Variants in DHX36 observed in about 807,000 individuals in gnomAD.
DHX36 encodes DEAH-box helicase 36, also known as ATP-dependent DNA/RNA helicase DHX36.
In DHX36, 50 loss-of-function variants were observed where a neutral mutation model predicts 139.0. That is an observed-to-expected ratio of 0.36 (90% CI 0.29 to 0.46). The LOEUF (loss-of-function observed/expected upper bound fraction) is 0.46. Ranked by LOEUF, DHX36 falls within the 20% of genes least tolerant of loss-of-function variation. The probability of loss-of-function intolerance (pLI) is 1.00; values close to 1 mark genes in which losing one functional copy is unlikely to be tolerated. For synonymous variants in DHX36, 425 were observed against 401.9 expected (o/e 1.06, Z -0.69); for missense variants, 1,024 against 1,211.3 (o/e 0.85, Z 2.29).
chr3:154,293,164 A>G (rs1249190145), intron 14 of DHX36, among the ~76,000 whole-genome samples: 2 of 152,172 alleles, frequency 1.3e-5, no homozygotes, highest in Non-Finnish European at 2.9e-5. Context: ...ACCCCCAACC[A>G]GAAACAGGCG....
Position 154,300,672 on chromosome 3 carries a change from A to T in DHX36, c.1383T>A (p.Val461=). 6.2e-7 allele frequency: 1 copy of T among 1,613,502 alleles called. No homozygotes were observed. Among genetic ancestry groups the T allele is most frequent in the Non-Finnish European group, 8.5e-7 (1 of 1,179,524 alleles). The change falls in exon 11 of 25, where the codon GTT becomes GTA. Residue 461 remains valine, a synonymous_variant. Transcript: ENST00000496811. ...RRRYSASTVD[V]IEMMEDDKVD... ...CTTTATCATCCTCCATCATTTCTATAACATCTACAGTACTTGCAGAATACC... is the reference window on the plus strand; with the variant it reads ...CTTTATCATCCTCCATCATTTCTATTACATCTACAGTACTTGCAGAATACC...
At chr3:154,305,311 C>A in intron 6 of DHX36, 143 bp from the exon 7 acceptor site, 1 of 646,856 alleles carries the variant, frequency 1.5e-6, no homozygotes, top group Non-Finnish European at 2.6e-6. Context: ...ATAAGAACAC[C>A]TACCACAATG....
At chr3:154,291,006 G>A (rs1465919453) in intron 15 of DHX36, among the ~76,000 whole-genome samples, 1 of 149,580 alleles carries the variant, frequency 6.7e-6, no homozygotes, top group Non-Finnish European at 1.5e-5. Flanking sequence ...GTAGTGGCGG[G>A]CGCCTGTAGT....
At position 154,273,691 on chromosome 3, in the gene DHX36, T is replaced by A. The variant is rs552835991; in HGVS notation, c.*2480A>T. Reference sequence around the variant, plus strand: ...GATAAAGGATTTGAGACATAACAGGTAACACACATTCCCAGGATTGGGAGC... The same window carrying A: ...GATAAAGGATTTGAGACATAACAGGAAACACACATTCCCAGGATTGGGAGC... On this transcript the variant is annotated 3_prime_UTR_variant, in exon 25 of 25. Transcript: ENST00000496811. 1 of 152,342 alleles carries A rather than the reference T, an allele frequency of 6.6e-6. No homozygotes were observed. Among genetic ancestry groups the A allele is most frequent in the South Asian group, 2.1e-4 (1 of 4,820 alleles). 9.4% of individuals were successfully genotyped at this position (152,342 alleles called of 1,614,324 possible).
At chr3:154,300,900 C>G in intron 10 of DHX36, 87 bp downstream of exon 10, 2 of 1,536,152 alleles carry the variant, frequency 1.3e-6, no homozygotes, top group East Asian at 4.5e-5. Flanking sequence ...CCTTTAAGTA[C>G]GTACAGATTC....
intron 1 of DHX36, among the ~76,000 whole-genome samples, chr3:154,322,970 A>G (rs111729772): frequency 2.6e-5 from 4 of 152,338 alleles, no homozygotes; most frequent in African/African-American, 4.8e-5. Flanking sequence ...AGATAAATGG[A>G]TAAGGCCCCC....
Position 154,288,922 on chromosome 3 carries a change from T to C in DHX36, c.1975A>G (p.Met659Val). Residue 659 changes from methionine to valine, a missense_variant, in exon 17 of 25, where the codon ATG becomes GTG. Met to Val is a conservative substitution (Grantham distance 21). Around this residue, in one of 4 missense-constraint regions of DHX36, gnomAD observed 470 missense variants for 616.2 expected, o/e 0.76. Coordinates refer to ENST00000496811, the MANE Select transcript of DHX36 (RefSeq NM_020865.3). ...ACTGCCTCATTTGATGGTGGGTCCA[T>C]TAATCTACTCAGAAAATAAGCAATT... Reference protein sequence around the residue: ...GGIAYFLSRLMDPPSNEAVLL... With the variant: ...GGIAYFLSRLVDPPSNEAVLL... 1 of 1,591,120 alleles carries C rather than the reference T, an allele frequency of 6.3e-7. No individual in the cohort carries two copies. Among genetic ancestry groups the C allele is most frequent in the South Asian group, 1.2e-5 (1 of 85,944 alleles).
rs371002609 is a variant in DHX36 at position 154,280,673 on chromosome 3, T to C, written c.2477-4A>G. On this transcript the variant is annotated splice_region_variant and splice_polypyrimidine_tract_variant and intron_variant, in intron 21 of 24. Transcript: ENST00000496811. Reference sequence around the variant, plus strand: ...GCTTTAATTATCTTCTCATTATCTATGGGGGGTGAGAAGGTAGAGGGGAAA... The same window carrying C: ...GCTTTAATTATCTTCTCATTATCTACGGGGGGTGAGAAGGTAGAGGGGAAA... 28 of 1,611,868 alleles carry C rather than the reference T, an allele frequency of 1.7e-5. No homozygotes were observed. Among genetic ancestry groups the C allele is most frequent in the Middle Eastern group, 1.7e-4 (1 of 6,056 alleles).
chr3:154,280,525 T>C, intron 22 of DHX36, 54 bp downstream of exon 22: 1 of 1,309,564 alleles, frequency 7.6e-7, no homozygotes, highest in South Asian at 1.3e-5. Context: ...TGAGCAGATT[T>C]CAAAAGTTTA....
rs751985081 is a variant in DHX36, at chr3:154,324,167, A to G, written c.243+7T>C. On this transcript the variant is annotated splice_region_variant and intron_variant, in intron 1 of 24. Transcript: ENST00000496811. ...CTCATCCTCTCCACTACTGAATCCGAGATTACCTCTTGCCTCTCCGCTTCC... is the reference window on the plus strand; with the variant it reads ...CTCATCCTCTCCACTACTGAATCCGGGATTACCTCTTGCCTCTCCGCTTCC... 2.3e-5 allele frequency: 37 copies of G among 1,606,828 alleles called. No homozygotes were observed. In the Admixed American group the frequency reaches 4.2e-4, roughly 18 times the overall value.
chr3:154,319,793 T>G (rs1423263329), intron 1 of DHX36, among the ~76,000 whole-genome samples: 4 of 152,192 alleles, frequency 2.6e-5, no homozygotes, highest in African/African-American at 9.7e-5. Flanking sequence ...TTGGCCCACT[T>G]TGATTTGCCC....
intron 15 of DHX36, among the ~76,000 whole-genome samples, chr3:154,290,527 G>T (rs1711748734): frequency 6.6e-6 from 1 of 150,958 alleles, no homozygotes; most frequent in South Asian, 2.1e-4. Flanking sequence ...TGTAGTCCCA[G>T]TGGGAGGCTG....
At position 154,324,454 on chromosome 3, in the gene DHX36, G is replaced by A. The variant is rs1345151076; in HGVS notation, c.-38C>T. 6.9e-6 allele frequency: 10 copies of A among 1,445,300 alleles called. No individual in the cohort carries two copies. Among genetic ancestry groups the A allele is most frequent in the Admixed American group, 2.7e-5 (1 of 37,228 alleles). 89.5% of individuals were successfully genotyped at this position (1,445,300 alleles called of 1,614,324 possible). A position where few individuals can be genotyped will look rare whatever the true frequency, so the allele number is the denominator to read the frequency against. ...CTACAACCCGTCAGAACCAGCAACC[G>A]CTGGAAATGGCGTCCGGGCCCGGAA... On this transcript the variant is annotated 5_prime_UTR_variant, in exon 1 of 25. Transcript: ENST00000496811.
At chr3:154,290,304 C>G (rs953996897) in intron 15 of DHX36, among the ~76,000 whole-genome samples, 2 of 152,056 alleles carry the variant, frequency 1.3e-5, no homozygotes, top group African/African-American at 2.4e-5. Flanking sequence ...ATGTATGTAA[C>G]TAGAGCCATG....
intron 1 of DHX36, among the ~76,000 whole-genome samples, chr3:154,322,616 C>T (rs763063161): frequency 5.9e-5 from 9 of 152,190 alleles, no homozygotes; most frequent in Admixed American, 2.0e-4. Context: ...AGGATGGGAA[C>T]GCAAGTAGAA....
intron 3 of DHX36, chr3:154,312,369 AT>A (rs1486603463): frequency 3.9e-5 from 6 of 152,170 alleles, no homozygotes; most frequent in African/African-American, 1.4e-4. Flanking sequence ...TATTTTTCCT[AT>A]ATTTATGTGA....
At chr3:154,321,166 C>T (rs1713171877) in intron 1 of DHX36, among the ~76,000 whole-genome samples, 1 of 152,198 alleles carries the variant, frequency 6.6e-6, no homozygotes. Flanking sequence ...TCTAGTTATA[C>T]ATATGTGTGT....
chr3:154,286,186 A>AG (rs1553757098), intron 17 of DHX36, among the ~76,000 whole-genome samples: 1 of 149,788 alleles, frequency 6.7e-6, no homozygotes, highest in Non-Finnish European at 1.5e-5. Flanking sequence ...AAAAAAAAAA[A>AG]AAAAAACACC....
intron 4 of DHX36, among the ~76,000 whole-genome samples, chr3:154,310,825 A>ATGTG (rs1189735317): frequency 9.1e-4 from 26 of 28,634 alleles, no homozygotes; most frequent in African/African-American, 4.5e-3. Context: ...ATATATATAT[A>ATGTG]TATATATATA....
Sources: gnomAD v4.1 joint callset for allele counts (sites outside exome capture counted in the v4.1 genomes callset) on GRCh38, gnomAD v4.1.1 for gene constraint, gnomAD v4.1.1 regional missense constraint, MANE v1.5 for transcripts, NCBI Gene and HGNC (gene_info 2026-07-23, HGNC 2026-07-21) for gene names.